Variants in PIP5K1A observed in about 807,000 individuals in gnomAD.
PIP5K1A encodes the protein phosphatidylinositol 4-phosphate 5-kinase type-1 alpha.
In PIP5K1A, 46 loss-of-function variants were observed where a neutral mutation model predicts 72.9. That is an observed-to-expected ratio of 0.63 (90% CI 0.50 to 0.81). The LOEUF (loss-of-function observed/expected upper bound fraction) is 0.81, where lower values mean the gene tolerates loss of function less well. Ranked by LOEUF, PIP5K1A falls within the 30% of genes least tolerant of loss-of-function variation. PIP5K1A has a pLI of 0.00. For synonymous variants in PIP5K1A, 228 were observed against 255.1 expected (o/e 0.89, Z 1.01); for missense variants, 458 against 706.1 (o/e 0.65, Z 3.98).
At chr1:151,216,542 C>T (rs1687646526) in intron 1 of PIP5K1A, among the ~76,000 whole-genome samples, 1 of 152,058 alleles carries the variant, frequency 6.6e-6, no homozygotes, top group African/African-American at 2.4e-5. Context: ...GAATCAGTGA[C>T]TACCTTTTCT....
chr1:151,247,845 T>C lies in PIP5K1A; in HGVS notation c.1687-18T>C, dbSNP rs776338903. ...ATCTCATACTCCACATCCTTAACTT[T>C]ACACTCTCCCTTTTCAGTAAGCGCA... On this transcript the variant is annotated intron_variant, in intron 15 of 15. Coordinates refer to ENST00000368888, the MANE Select transcript of PIP5K1A (RefSeq NM_001135638.2). 2.5e-6 allele frequency: 4 copies of C among 1,603,524 alleles called. No homozygotes were observed. The highest frequency in any genetic ancestry group is 3.4e-6 in the Non-Finnish European group (4 of 1,171,870).
chr1:151,212,293 T>A (rs1686936780), intron 1 of PIP5K1A, among the ~76,000 whole-genome samples: 1 of 152,194 alleles, frequency 6.6e-6, no homozygotes, highest in Admixed American at 6.6e-5. Flanking sequence ...TTCTGAAGTT[T>A]CCTTTTTTCA....
intron 1 of PIP5K1A, among the ~76,000 whole-genome samples, chr1:151,216,568 C>T (rs587659364): frequency 1.3e-5 from 2 of 152,202 alleles, no homozygotes; most frequent in East Asian, 3.9e-4. Flanking sequence ...TTGAAATTTT[C>T]CTGTAACTTA....
At chr1:151,229,548 A>C (rs1422408289) in intron 4 of PIP5K1A, among the ~76,000 whole-genome samples, 3 of 150,942 alleles carry the variant, frequency 2.0e-5, no homozygotes, top group Non-Finnish European at 3.0e-5. Flanking sequence ...TTTAGTAGAG[A>C]TAGGGTTTCT....
At chr1:151,228,937 G>A (rs1689565731) in intron 4 of PIP5K1A, among the ~76,000 whole-genome samples, 1 of 151,342 alleles carries the variant, frequency 6.6e-6, no homozygotes. Context: ...GGAAGCTGAG[G>A]CGGGTGGATC....
At chr1:151,213,271 C>T (rs770676058) in intron 1 of PIP5K1A, among the ~76,000 whole-genome samples, 2 of 152,028 alleles carry the variant, frequency 1.3e-5, no homozygotes, top group African/African-American at 2.4e-5. Flanking sequence ...GCAGTGTGTC[C>T]AGAGTAGGCT....
chr1:151,223,911 T>G (rs1232372266), intron 1 of PIP5K1A: 1 of 267,940 alleles, frequency 3.7e-6, no homozygotes, highest in African/African-American at 2.2e-5. Flanking sequence ...TCACTTGCAG[T>G]GAGCTGAGGT....
At chr1:151,206,496 G>T (rs1486513060) in intron 1 of PIP5K1A, among the ~76,000 whole-genome samples, 1 of 152,148 alleles carries the variant, frequency 6.6e-6, no homozygotes, top group Admixed American at 6.6e-5. Flanking sequence ...GGAATGAGAA[G>T]AGGGTTTTTT....
chr1:151,242,456 C>CTGA lies in PIP5K1A; in HGVS notation c.1532_1534dup (p.Asp511dup), dbSNP rs758775132. The CTGA allele has an allele frequency of 6.2e-7, 1 of 1,614,078 alleles. No individual in the cohort carries two copies. On this transcript the variant is annotated inframe_insertion, in exon 14 of 16. Coordinates refer to ENST00000368888, the MANE Select transcript of PIP5K1A (RefSeq NM_001135638.2). ...TTTCCAGGCGTTCACCTTGGTCGTCCTGATGTTTTACCTCAGACTCCACCT... is the reference window on the plus strand; with the variant it reads ...TTTCCAGGCGTTCACCTTGGTCGTCCTGATGATGTTTTACCTCAGACTCCACCT...
intron 1 of PIP5K1A, among the ~76,000 whole-genome samples, chr1:151,218,255 A>T (rs777223109): frequency 1.3e-4 from 20 of 152,282 alleles, no homozygotes; most frequent in Admixed American, 9.8e-4. Flanking sequence ...TCCCTAAAAG[A>T]AAGGTACTTT....
upstream of PIP5K1A, chr1:151,197,902 G>A (rs1684701449): frequency 2.7e-6 from 1 of 363,932 alleles, no homozygotes; most frequent in Non-Finnish European, 5.6e-6. Flanking sequence ...GTATCTCCAT[G>A]CCCTTTGGAG....
In PIP5K1A at chr1:151,229,798, T is replaced by C. The variant is rs1689762934; in HGVS notation, c.238-1873T>C. ...CTATTTGTACATGAAAAAAACTAGTTGTAGGCTGGGCATGGTGGCTCATGC... is the reference window on the plus strand; with the variant it reads ...CTATTTGTACATGAAAAAAACTAGTCGTAGGCTGGGCATGGTGGCTCATGC... On this transcript the variant is annotated intron_variant, in intron 4 of 15. Transcript: ENST00000368888. Among the ~76,000 whole-genome samples the C allele has an allele frequency of 2.0e-5, 3 of 151,290 alleles. No homozygotes were observed. The South Asian group carries it at 6.3e-4, about 32-fold the overall frequency.
chr1:151,213,124 T>C (rs937120555), intron 1 of PIP5K1A, among the ~76,000 whole-genome samples: 2 of 151,994 alleles, frequency 1.3e-5, no homozygotes, highest in South Asian at 4.1e-4. Context: ...GATCTGACCT[T>C]GTGATTCCCC....
chr1:151,215,742 C>T (rs186261150), intron 1 of PIP5K1A, among the ~76,000 whole-genome samples: 2 of 152,078 alleles, frequency 1.3e-5, no homozygotes, highest in Non-Finnish European at 2.9e-5. Flanking sequence ...GTGACTGCTC[C>T]GAGAATTTTT....
chr1:151,235,066 A>G (rs761536835), intron 8 of PIP5K1A, among the ~76,000 whole-genome samples: 1 of 152,118 alleles, frequency 6.6e-6, no homozygotes, highest in Non-Finnish European at 1.5e-5. Flanking sequence ...CAATGGATAA[A>G]TGTATCTACA....
intron 4 of PIP5K1A, among the ~76,000 whole-genome samples, chr1:151,228,128 C>CT (rs993277967): frequency 1.9e-4 from 29 of 150,952 alleles, no homozygotes; most frequent in African/African-American, 6.3e-4. Context: ...ATAGGTCAGA[C>CT]TTTTTTTTCT....
intron 1 of PIP5K1A, chr1:151,223,735 C>T (rs1331761507): frequency 6.6e-6 from 1 of 152,122 alleles, no homozygotes; most frequent in African/African-American, 2.4e-5. Flanking sequence ...TGCTTGTAAT[C>T]CTAGCACTTT....
In PIP5K1A at chr1:151,242,453, G is replaced by A. The variant is rs749852302; in HGVS notation, c.1526G>A (p.Arg509His). 6.8e-6 allele frequency: 11 copies of A among 1,613,804 alleles called. No homozygotes were observed. In the East Asian group the frequency reaches 8.9e-5, roughly 13 times the overall value. The change falls in exon 14 of 16, where the codon CGT (arginine) becomes CAT (histidine). Residue 509 changes from arginine (R) to histidine (H), a missense_variant. Around this residue, in one of 3 missense-constraint regions of PIP5K1A, gnomAD observed 157 missense variants for 175.5 expected, o/e 0.89. Coordinates refer to ENST00000368888, the MANE Select transcript of PIP5K1A (RefSeq NM_001135638.2). The part of the protein sequence containing the change: ...AEVEPGVHLG[R>H]PDVLPQTPPL... ...TTTTTTCCAGGCGTTCACCTTGGTC[G>A]TCCTGATGTTTTACCTCAGACTCCA...
At chr1:151,222,464 G>A (rs1688516456) in intron 1 of PIP5K1A, among the ~76,000 whole-genome samples, 1 of 152,156 alleles carries the variant, frequency 6.6e-6, no homozygotes, top group South Asian at 2.1e-4. Flanking sequence ...AGGTAGCAAG[G>A]TAGAACTTTT....
Sources: gnomAD v4.1 joint callset for allele counts (sites outside exome capture counted in the v4.1 genomes callset) on GRCh38, gnomAD v4.1.1 for gene constraint, gnomAD v4.1.1 regional missense constraint, MANE v1.5 for transcripts, NCBI Gene and HGNC (gene_info 2026-07-23, HGNC 2026-07-21) for gene names.